EGFR: variants seen among roughly 807,000 people sequenced by gnomAD.
EGFR encodes the protein avian erythroblastic leukemia viral (v-erb-b) oncogene homolog.
Under a neutral mutation model 143.0 loss-of-function variants are expected in EGFR, and 58 were observed. The ratio of observed to expected loss-of-function variants is 0.41; its 90% confidence interval spans 0.33 to 0.50. The LOEUF (loss-of-function observed/expected upper bound fraction) is 0.50, where lower values mean the gene tolerates loss of function less well. Among genes scored for constraint, EGFR ranks in the 20% least tolerant of loss-of-function variants. The pLI, the probability that EGFR is intolerant of heterozygous loss-of-function variation, is 0.39. For missense variants in EGFR, 1,307 were observed against 1,579.0 expected (o/e 0.83, Z 2.92); for synonymous variants, 613 against 594.4 (o/e 1.03, Z -0.45).
At position 55,203,211 on chromosome 7, in the gene EGFR, C is replaced by T. The variant is rs571809939; in HGVS notation, c.3271+586C>T. 12 of 234,072 alleles carry T rather than the reference C, an allele frequency of 5.1e-5. No homozygotes were observed. In the East Asian group the frequency reaches 7.3e-4, roughly 14 times the overall value. 14.5% of individuals were successfully genotyped at this position (234,072 alleles called of 1,614,324 possible). A position where few individuals can be genotyped will look rare whatever the true frequency, so the allele number is the denominator to read the frequency against. ...ACACATGCACACACATATACACACA[C>T]ACCTCAAATACATACACACCACACA... On this transcript the variant is annotated intron_variant, in intron 27 of 27. Coordinates refer to ENST00000275493, the MANE Select transcript of EGFR (RefSeq NM_005228.5).
chr7:55,184,499 A>G (rs1004087411), intron 20 of EGFR, among the ~76,000 whole-genome samples: 1 of 152,198 alleles, frequency 6.6e-6, no homozygotes, highest in Non-Finnish European at 1.5e-5. Context: ...AAACGAATAT[A>G]ATAGTGTCCA....
At chr7:55,182,116 G>A (rs1384575145) in intron 20 of EGFR, 1 of 158,120 alleles carries the variant, frequency 6.3e-6, no homozygotes, top group African/African-American at 2.4e-5. Context: ...TGCGGACCCA[G>A]AAAGACTTCT....
intron 1 of EGFR, among the ~76,000 whole-genome samples, chr7:55,113,269 A>G (rs898590516): frequency 1.3e-5 from 2 of 152,172 alleles, no homozygotes; most frequent in Non-Finnish European, 2.9e-5. Flanking sequence ...GCTCTGCCTC[A>G]TGGTCGTGTT....
intron 1 of EGFR, among the ~76,000 whole-genome samples, chr7:55,022,406 A>G (rs1786625267): frequency 6.6e-6 from 1 of 152,026 alleles, no homozygotes; most frequent in African/African-American, 2.4e-5. Flanking sequence ...AGTGAGATCT[A>G]CCCCACCCTC....
chr7:55,055,108 ACTGACATGGGTCGGCCCGTAC>A lies in EGFR; in HGVS notation c.88+35745_88+35765del, dbSNP rs572541777. Among the ~76,000 whole-genome samples, 17 of 152,228 alleles carry A rather than the reference ACTGACATGGGTCGGCCCGTAC, an allele frequency of 1.1e-4. No homozygotes were observed. In the East Asian group the frequency reaches 3.1e-3, roughly 28 times the overall value. On this transcript the variant is annotated intron_variant, in intron 1 of 27. Coordinates refer to ENST00000275493, the MANE Select transcript of EGFR (RefSeq NM_005228.5). Reference sequence around the variant, plus strand: ...TCCTGTCTTTTGGGTCCCCATAATAACTGACATGGGTCGGCCCGTACCAGCCCCTGTGAGAAGGGCTTTAAC... The same window carrying A: ...TCCTGTCTTTTGGGTCCCCATAATAACAGCCCCTGTGAGAAGGGCTTTAAC...
chr7:55,171,197 G>A lies in EGFR; in HGVS notation c.1903G>A (p.Gly635Ser), dbSNP rs957617087. Residue 635 changes from glycine to serine, a missense_variant, in exon 16 of 28, where the codon GGC becomes AGC. Coordinates refer to ENST00000275493, the MANE Select transcript of EGFR (RefSeq NM_005228.5). ...TYGCTGPGLE[G>S]CPTNGPKIPS... ...CAGATGCACTGGGCCAGGTCTTGAAGGCTGTCCAACGAATGGGTAAGTGTT... is the reference window on the plus strand; with the variant it reads ...CAGATGCACTGGGCCAGGTCTTGAAAGCTGTCCAACGAATGGGTAAGTGTT... 3 of 1,614,206 alleles carry A rather than the reference G, an allele frequency of 1.9e-6. No individual in the cohort carries two copies. The African/African-American group carries it at 4.0e-5, about 22-fold the overall frequency.
chr7:55,173,675 T>C (rs1450145900), intron 17 of EGFR, among the ~76,000 whole-genome samples: 1 of 152,266 alleles, frequency 6.6e-6, no homozygotes, highest in African/African-American at 2.4e-5. Context: ...ATAGAAATTG[T>C]GTTTGTTGAA....
In EGFR at chr7:55,198,794, C is replaced by T. The variant is rs374672672; in HGVS notation, c.2779C>T (p.Leu927=). ...GIPASEISSI[L]EKGERLPQPP... is the part of the protein sequence containing the mutation. ...CCCTGCCAGCGAGATCTCCTCCATC[C>T]TGGAGAAAGGAGAACGCCTCCCTCA... Residue 927 remains leucine, a synonymous_variant, in exon 23 of 28, where the codon CTG becomes TTG. Coordinates refer to ENST00000275493, the MANE Select transcript of EGFR (RefSeq NM_005228.5). 3.0e-5 allele frequency: 48 copies of T among 1,614,096 alleles called. No individual in the cohort carries two copies. Among genetic ancestry groups the T allele is most frequent in the Non-Finnish European group, 3.7e-5 (44 of 1,180,036 alleles).
At chr7:55,089,357 G>A (rs1213574223) in intron 1 of EGFR, among the ~76,000 whole-genome samples, 2 of 152,178 alleles carry the variant, frequency 1.3e-5, no homozygotes, top group Non-Finnish European at 2.9e-5. Flanking sequence ...TTGCTAGGGA[G>A]GCCTGGCAGA....
intron 1 of EGFR, 132 bp from the exon 2 acceptor site, chr7:55,142,154 G>A (rs766275594): frequency 3.0e-5 from 32 of 1,082,954 alleles, no homozygotes; most frequent in Admixed American, 5.7e-5. Context: ...GACCTGGGCA[G>A]GAATGGGTGA....
At chr7:55,114,318 A>G (rs529120890) in intron 1 of EGFR, among the ~76,000 whole-genome samples, 8 of 152,252 alleles carry the variant, frequency 5.3e-5, no homozygotes, top group Non-Finnish European at 1.2e-4. Flanking sequence ...AGGCAGGAGG[A>G]TCACTTGAGG....
intron 1 of EGFR, among the ~76,000 whole-genome samples, chr7:55,034,353 C>T (rs1254025080): frequency 1.3e-5 from 2 of 152,164 alleles, no homozygotes; most frequent in African/African-American, 4.8e-5. Context: ...CCTGTCTCAG[C>T]CCCCTGAGTA....
chr7:55,103,291 G>A (rs1427323120), intron 1 of EGFR, among the ~76,000 whole-genome samples: 1 of 152,152 alleles, frequency 6.6e-6, no homozygotes, highest in Non-Finnish European at 1.5e-5. Flanking sequence ...TCTGAATTGT[G>A]TGCTTAATAC....
Position 55,143,427 on chromosome 7 carries a change from C to A in EGFR, c.363C>A (p.Val121=), listed in dbSNP as rs1239989208. The change falls in exon 3 of 28, where the codon GTC becomes GTA. Residue 121 remains valine (V), a synonymous_variant. Transcript: ENST00000275493. ...MYYENSYALA[V]LSNYDANKTG... ...ACGAAAATTCCTATGCCTTAGCAGT[C>A]TTATCTAACTATGATGCAAATAAAA... is the stretch of plus-strand genomic sequence containing the variant. 5.6e-6 allele frequency: 9 copies of A among 1,614,214 alleles called. No homozygotes were observed. Among genetic ancestry groups the A allele is most frequent in the Non-Finnish European group, 7.6e-6 (9 of 1,180,046 alleles).
intron 20 of EGFR, among the ~76,000 whole-genome samples, chr7:55,184,331 C>T (rs1172769581): frequency 6.6e-6 from 1 of 152,208 alleles, no homozygotes; most frequent in African/African-American, 2.4e-5. Context: ...TGTGCCAACC[C>T]TCATTCCCTG....
chr7:55,031,082 A>C (rs1562652818), intron 1 of EGFR, among the ~76,000 whole-genome samples: 2 of 152,224 alleles, frequency 1.3e-5, no homozygotes. Flanking sequence ...TCCCAAAAGC[A>C]ATTTTCTATT....
chr7:55,130,344 G>C (rs1793762560), intron 1 of EGFR, among the ~76,000 whole-genome samples: 1 of 152,224 alleles, frequency 6.6e-6, no homozygotes, highest in South Asian at 2.1e-4. Context: ...CCTATTGCAA[G>C]AATGTCCTGA....
intron 27 of EGFR, among the ~76,000 whole-genome samples, chr7:55,204,681 C>T (rs1349290016): frequency 1.4e-5 from 2 of 146,336 alleles, no homozygotes; most frequent in African/African-American, 2.6e-5. Flanking sequence ...ACACACACCA[C>T]ACACACCACA....
intron 20 of EGFR, among the ~76,000 whole-genome samples, chr7:55,184,531 C>G (rs77301022): frequency 0.018 from 2,808 of 152,224 alleles, 74 homozygotes; most frequent in African/African-American, 0.065. Flanking sequence ...AAACTTAGTG[C>G]GTGTCCCATT....
Sources: allele counts gnomAD v4.1 joint callset (sites outside exome capture counted in the v4.1 genomes callset), GRCh38; gene constraint gnomAD v4.1.1; transcripts MANE v1.5; gene names NCBI Gene and HGNC (gene_info 2026-07-23, HGNC 2026-07-21).